Variants in CTNND2 observed in about 807,000 individuals in gnomAD.
CTNND2 encodes catenin delta-2.
CTNND2 carries 22 observed loss-of-function variants against 144.4 expected under a neutral mutation model. The observed-to-expected ratio is 0.15, with a 90% confidence interval of 0.11 to 0.22. The LOEUF is 0.22. Among genes scored for constraint, CTNND2 ranks in the 10% least tolerant of loss-of-function variants. The pLI, the probability that CTNND2 is intolerant of heterozygous loss-of-function variation, is 1.00. For missense variants in CTNND2, 1,353 were observed against 1,618.8 expected, an observed-to-expected ratio of 0.84 and a Z score of 2.82; for synonymous variants, 751 against 695.6, an observed-to-expected ratio of 1.08 and a Z score of -1.25.
chr5:11,382,013 T>A (rs866402979), intron 7 of CTNND2, among the ~76,000 whole-genome samples: 4 of 150,162 alleles, frequency 2.7e-5, no homozygotes, highest in Admixed American at 1.3e-4. Context: ...AAAACAAAAC[T>A]ATTGGGTACT....
At chr5:11,494,376 C>T (rs1355183366) in intron 3 of CTNND2, among the ~76,000 whole-genome samples, 1 of 152,044 alleles carries the variant, frequency 6.6e-6, no homozygotes, top group African/African-American at 2.4e-5. Context: ...TCACTTACTG[C>T]ATTCGTCTGT....
intron 2 of CTNND2, among the ~76,000 whole-genome samples, chr5:11,587,917 A>ATT (rs568528646): frequency 9.5e-5 from 14 of 147,312 alleles, no homozygotes; most frequent in African/African-American, 3.2e-4. Context: ...GGGTATCACA[A>ATT]TTTTTTTTTT....
rs1330293335 is a variant in CTNND2, at chr5:10,972,512, C to T, written c.*941G>A. The T allele has an allele frequency of 2.0e-5, 3 of 152,540 alleles. No homozygotes were observed. Among genetic ancestry groups the T allele is most frequent in the African/African-American group, 7.2e-5 (3 of 41,438 alleles). The allele number at this position is 152,540 out of a possible 1,614,324, so 9.4% of individuals were successfully genotyped here. On this transcript the variant is annotated 3_prime_UTR_variant, in exon 22 of 22. Transcript: ENST00000304623. ...TAAGATATAGGTTCTTGGAAATAGA[C>T]ATTCTTAGCAAATATGGATGACAGA...
At chr5:11,087,863 G>T (rs1750343769) in intron 15 of CTNND2, among the ~76,000 whole-genome samples, 1 of 152,110 alleles carries the variant, frequency 6.6e-6, no homozygotes, top group Non-Finnish European at 1.5e-5. Context: ...TAATGTACAG[G>T]CAAGATAATT....
At chr5:11,676,772 C>G (rs1418600508) in intron 2 of CTNND2, among the ~76,000 whole-genome samples, 1 of 152,130 alleles carries the variant, frequency 6.6e-6, no homozygotes, top group Non-Finnish European at 1.5e-5. Flanking sequence ...TTGTATTTTA[C>G]GTTCTACTGC....
intron 16 of CTNND2, among the ~76,000 whole-genome samples, chr5:11,024,686 A>G (rs1024996383): frequency 9.2e-5 from 14 of 152,226 alleles, no homozygotes; most frequent in African/African-American, 3.4e-4. Context: ...ATGACCTTGG[A>G]CACTGTCAAG....
At chr5:11,221,999 C>A (rs182809089) in intron 10 of CTNND2, among the ~76,000 whole-genome samples, 37 of 152,306 alleles carry the variant, frequency 2.4e-4, no homozygotes, top group Admixed American at 1.0e-3. Context: ...CTTCTCTAAA[C>A]GATGACATAT....
intron 1 of CTNND2, among the ~76,000 whole-genome samples, chr5:11,809,773 T>C (rs1792217654): frequency 6.6e-6 from 1 of 152,192 alleles, no homozygotes; most frequent in African/African-American, 2.4e-5. Flanking sequence ...CACTGACTAG[T>C]CTCTTGTCAA....
At chr5:11,651,400 C>A (rs1433680522) in intron 2 of CTNND2, among the ~76,000 whole-genome samples, 1 of 152,178 alleles carries the variant, frequency 6.6e-6, no homozygotes, top group African/African-American at 2.4e-5. Flanking sequence ...CTGCTGCAGG[C>A]GCACAGCCAT....
intron 1 of CTNND2, among the ~76,000 whole-genome samples, chr5:11,735,494 T>C (rs978853208): frequency 1.3e-5 from 2 of 152,170 alleles, no homozygotes; most frequent in African/African-American, 4.8e-5. Context: ...CCTCTCTCCA[T>C]GTCCATGGGT....
chr5:11,177,749 T>A (rs1445313922), intron 11 of CTNND2, among the ~76,000 whole-genome samples: 1 of 152,156 alleles, frequency 6.6e-6, no homozygotes, highest in Non-Finnish European at 1.5e-5. Flanking sequence ...AATAATATAT[T>A]GCAAAAACAA....
intron 16 of CTNND2, among the ~76,000 whole-genome samples, chr5:11,031,177 C>T (rs1394228721): frequency 6.6e-6 from 1 of 152,160 alleles, no homozygotes; most frequent in African/African-American, 2.4e-5. Flanking sequence ...CTGAAAATAA[C>T]TTCAGCCAAA....
chr5:11,497,517 GGT>G (rs796111409), intron 3 of CTNND2, among the ~76,000 whole-genome samples: 732 of 58,566 alleles, frequency 0.012, 23 homozygotes, highest in Non-Finnish European at 0.018. Context: ...TGTGCGGGGG[GGT>G]GGGGGGGGGC....
intron 9 of CTNND2, among the ~76,000 whole-genome samples, chr5:11,307,067 T>C (rs558202717): frequency 6.6e-6 from 1 of 151,702 alleles, no homozygotes; most frequent in Admixed American, 6.6e-5. Context: ...TGGGCTTAGT[T>C]AAATGAGGCT....
chr5:11,654,029 T>G (rs1782787668), intron 2 of CTNND2, among the ~76,000 whole-genome samples: 1 of 152,124 alleles, frequency 6.6e-6, no homozygotes, highest in South Asian at 2.1e-4. Flanking sequence ...TTGATGCCTT[T>G]GTCAAAGACT....
intron 9 of CTNND2, among the ~76,000 whole-genome samples, chr5:11,344,177 G>A (rs1754531072): frequency 6.6e-6 from 1 of 152,120 alleles, no homozygotes; most frequent in Non-Finnish European, 1.5e-5. Flanking sequence ...GGCCGAGGCG[G>A]GTGGATCACG....
intron 1 of CTNND2, among the ~76,000 whole-genome samples, chr5:11,833,411 C>T (rs561437820): frequency 5.9e-5 from 9 of 152,036 alleles, no homozygotes; most frequent in African/African-American, 7.2e-5. Flanking sequence ...ATATGACATT[C>T]GGAAAAAGGC....
intron 1 of CTNND2, among the ~76,000 whole-genome samples, chr5:11,745,634 C>T (rs899567706): frequency 2.0e-5 from 3 of 152,188 alleles, no homozygotes; most frequent in East Asian, 1.9e-4. Context: ...CAGAAACACA[C>T]CAAATTCAGC....
chr5:11,570,820 T>A (rs12514132), intron 2 of CTNND2, among the ~76,000 whole-genome samples: 14 of 152,058 alleles, frequency 9.2e-5, no homozygotes, highest in Admixed American at 3.3e-4. Flanking sequence ...TTTTGAAAAT[T>A]TTTAATGCTT....
Sources: gnomAD v4.1 joint callset for allele counts (sites outside exome capture counted in the v4.1 genomes callset) on GRCh38, gnomAD v4.1.1 for gene constraint, MANE v1.5 for transcripts, NCBI Gene and HGNC (gene_info 2026-07-23, HGNC 2026-07-21) for gene names.